The following ERBIN variants were observed in gnomAD, a reference collection of about 807,000 sequenced individuals.
ERBIN encodes densin-180-like protein.
ERBIN carries 60 observed loss-of-function variants against 158.4 expected under a neutral mutation model. The ratio of observed to expected loss-of-function variants is 0.38; its 90% confidence interval spans 0.31 to 0.47. The LOEUF (loss-of-function observed/expected upper bound fraction) is 0.47. Ranked by LOEUF, ERBIN falls within the 20% of genes least tolerant of loss-of-function variation. The pLI is 0.99. For synonymous variants in ERBIN, 594 were observed against 557.2 expected, an observed-to-expected ratio of 1.07 and a Z score of -0.93; for missense variants, 1,610 against 1,648.0, an observed-to-expected ratio of 0.98 and a Z score of 0.40.
chr5:66,081,634 GTA>G lies in ERBIN; in HGVS notation c.*3108_*3109del, dbSNP rs1762389467. 1 of 151,832 alleles carries G rather than the reference GTA, an allele frequency of 6.6e-6. No individual in the cohort carries two copies. Among genetic ancestry groups the G allele is most frequent in the Non-Finnish European group, 1.5e-5 (1 of 67,938 alleles). 9.4% of individuals were successfully genotyped at this position (151,832 alleles called of 1,614,324 possible). On this transcript the variant is annotated 3_prime_UTR_variant, in exon 26 of 26. Coordinates refer to ENST00000284037, the MANE Select transcript of ERBIN (RefSeq NM_001253697.2). ...AATTTTTTTTTAGCATTAAAACCCT[GTA>G]TATCTAGGTGTGGAAGAAGTGTAGT...
At chr5:65,993,057 A>G (rs924035683) in intron 3 of ERBIN, 150 bp downstream of exon 3, 21 of 490,538 alleles carry the variant, frequency 4.3e-5, no homozygotes, top group South Asian at 6.5e-5. Flanking sequence ...TACAATTCAA[A>G]TTTTTAAAAG....
At chr5:66,072,604 T>C (rs1390063911) in intron 22 of ERBIN, among the ~76,000 whole-genome samples, 1 of 152,216 alleles carries the variant, frequency 6.6e-6, no homozygotes, top group Non-Finnish European at 1.5e-5. Context: ...AGTAAAACTA[T>C]TTGGAGAATT....
chr5:65,927,774 A>C (rs765515818), intron 1 of ERBIN, among the ~76,000 whole-genome samples: 9 of 152,244 alleles, frequency 5.9e-5, no homozygotes, highest in Non-Finnish European at 8.8e-5. Context: ...CTGTGGGGGC[A>C]GGATTCATGA....
intron 21 of ERBIN, among the ~76,000 whole-genome samples, chr5:66,066,802 A>G (rs1761048398): frequency 6.6e-6 from 1 of 152,244 alleles, no homozygotes; most frequent in Non-Finnish European, 1.5e-5. Flanking sequence ...AACATTGCCC[A>G]GGACATTATG....
chr5:66,076,986 A>C, intron 25 of ERBIN, 37 bp downstream of exon 25: 1 of 1,371,432 alleles, frequency 7.3e-7, no homozygotes, highest in Non-Finnish European at 1.0e-6. Flanking sequence ...TCATTTTATA[A>C]CACTCTAATG....
chr5:65,948,768 T>G (rs889485315), intron 1 of ERBIN, among the ~76,000 whole-genome samples: 1 of 141,224 alleles, frequency 7.1e-6, no homozygotes, highest in Non-Finnish European at 1.5e-5. Context: ...TTGCGTTTTT[T>G]TTTTTTTTTT....
chr5:66,076,909 C>T lies in ERBIN; in HGVS notation c.4091C>T (p.Pro1364Leu), dbSNP rs1214059799. Reference sequence around the variant, plus strand: ...GTAACAAGGGTACAACCTGAAGGACCAGCATCAAAATTACTGCAGCCAGGT... The same window carrying T: ...GTAACAAGGGTACAACCTGAAGGACTAGCATCAAAATTACTGCAGCCAGGT... Reference protein sequence around the residue: ...IFVTRVQPEGPASKLLQPGDK... With the variant: ...IFVTRVQPEGLASKLLQPGDK... Residue 1364 changes from proline (P) to leucine (L), a missense_variant, in exon 25 of 26, where the codon CCA becomes CTA. By Grantham distance (98) the Pro-to-Leu change is moderately conservative. Transcript: ENST00000284037. The T allele has an allele frequency of 9.9e-6, 16 of 1,608,762 alleles. No individual in the cohort carries two copies. The highest frequency in any genetic ancestry group is 1.3e-5 in the African/African-American group (1 of 74,496).
rs1282236491 is a variant in ERBIN at position 66,082,430 on chromosome 5, G to A, written c.*3900G>A. The A allele has an allele frequency of 5.3e-5, 8 of 152,154 alleles. No homozygotes were observed. Among genetic ancestry groups the A allele is most frequent in the Admixed American group, 4.6e-4 (7 of 15,268 alleles). The allele number at this position is 152,154 out of a possible 1,614,324, so 9.4% of individuals were successfully genotyped here. The stretch of plus-strand genomic sequence containing the variant: ...CCATCTAGCTTCTCAATCGGCCCAC[G>A]GTTTTATTTCAGGATAAAATTTGAG... On this transcript the variant is annotated 3_prime_UTR_variant, in exon 26 of 26. Coordinates refer to ENST00000284037, the MANE Select transcript of ERBIN (RefSeq NM_001253697.2).
intron 18 of ERBIN, 58 bp from the exon 19 acceptor site, chr5:66,048,605 ATATT>A (rs908386955): frequency 2.2e-5 from 19 of 877,150 alleles, no homozygotes; most frequent in African/African-American, 1.4e-4. Context: ...TTATGACTTA[ATATT>A]TATTTATTTA....
chr5:66,012,825 C>G (rs1754347520), intron 5 of ERBIN, among the ~76,000 whole-genome samples: 1 of 152,190 alleles, frequency 6.6e-6, no homozygotes. Flanking sequence ...AGAAGTAAAG[C>G]TAACACACGT....
chr5:66,059,203 T>G (rs937303915), intron 21 of ERBIN, among the ~76,000 whole-genome samples: 1 of 152,210 alleles, frequency 6.6e-6, no homozygotes, highest in African/African-American at 2.4e-5. Context: ...TGTATCCTCT[T>G]TTATTTCATT....
chr5:66,030,045 GT>G (rs1756691084), intron 14 of ERBIN, among the ~76,000 whole-genome samples: 3 of 151,736 alleles, frequency 2.0e-5, no homozygotes, highest in African/African-American at 7.3e-5. Context: ...TTTTGTTTTT[GT>G]TTTTGTTTTT....
chr5:66,078,408 T>G lies in ERBIN; in HGVS notation c.4132-15T>G. 6.7e-7 allele frequency: 1 copy of G among 1,489,878 alleles called. No individual in the cohort carries two copies. The highest frequency in any genetic ancestry group is 1.2e-5 in the South Asian group (1 of 82,028). The allele number at this position is 1,489,878 out of a possible 1,614,324, so 92.3% of individuals were successfully genotyped here. A position where few individuals can be genotyped will look rare whatever the true frequency, so the allele number is the denominator to read the frequency against. ...CTATAAAATGTTTTTCCTAAAAGCA[T>G]TTTTCCTCTTCTAGGCTAATGGCTA... On this transcript the variant is annotated splice_polypyrimidine_tract_variant and intron_variant, in intron 25 of 25. Coordinates refer to ENST00000284037, the MANE Select transcript of ERBIN (RefSeq NM_001253697.2).
intron 21 of ERBIN, among the ~76,000 whole-genome samples, chr5:66,066,159 G>A (rs1760974037): frequency 6.6e-6 from 1 of 152,014 alleles, no homozygotes; most frequent in South Asian, 2.1e-4. Context: ...TCATTAGATG[G>A]TGTAATCAGA....
intron 21 of ERBIN, among the ~76,000 whole-genome samples, chr5:66,057,634 T>C (rs1047502351): frequency 1.3e-5 from 2 of 151,860 alleles, no homozygotes; most frequent in Admixed American, 6.6e-5. Flanking sequence ...ATGTGCCATG[T>C]TGGTGTGCTG....
rs1286229245 is a variant in ERBIN at position 66,053,510 on chromosome 5, C to G, written c.2192C>G (p.Pro731Arg). Reference protein sequence around the residue: ...KAHDKKDFNLPEYDLNVEERL... With the variant: ...KAHDKKDFNLREYDLNVEERL... ...CATGATAAAAAAGATTTTAACTTAC[C>G]TGAATATGATTTGAATGTTGAAGAG... The change falls in exon 21 of 26, where the codon CCT becomes CGT. Residue 731 changes from proline (P) to arginine (R), a missense_variant. This residue lies in a region of ERBIN where 1,014 missense variants were observed against 936.1 expected (regional missense o/e 1.08). Coordinates refer to ENST00000284037, the MANE Select transcript of ERBIN (RefSeq NM_001253697.2). 1 of 1,610,652 alleles carries G rather than the reference C, an allele frequency of 6.2e-7. No individual in the cohort carries two copies. The highest frequency in any genetic ancestry group is 8.5e-7 in the Non-Finnish European group (1 of 1,178,906).
At chr5:65,932,043 C>G (rs919919457) in intron 1 of ERBIN, among the ~76,000 whole-genome samples, 3 of 151,950 alleles carry the variant, frequency 2.0e-5, no homozygotes, top group African/African-American at 7.2e-5. Context: ...GTCTTGAACT[C>G]CTGACCTCAG....
At chr5:65,973,413 TAATAA>T (rs1229436365) in intron 1 of ERBIN, among the ~76,000 whole-genome samples, 1 of 150,196 alleles carries the variant, frequency 6.7e-6, no homozygotes, top group Non-Finnish European at 1.5e-5. Flanking sequence ...AAAAATAAAA[TAATAA>T]AATAAATTAA....
chr5:65,985,227 G>T (rs1751092279), intron 1 of ERBIN, among the ~76,000 whole-genome samples: 1 of 152,138 alleles, frequency 6.6e-6, no homozygotes, highest in Non-Finnish European at 1.5e-5. Flanking sequence ...TTGAGTACTG[G>T]GATTACAGGT....
Sources: allele counts gnomAD v4.1 joint callset (sites outside exome capture counted in the v4.1 genomes callset), GRCh38; gene constraint gnomAD v4.1.1; regional missense constraint gnomAD v4.1.1; transcripts MANE v1.5; gene names NCBI Gene and HGNC (gene_info 2026-07-23, HGNC 2026-07-21).